The following ESCO1 variants were observed in gnomAD, a reference collection of about 807,000 sequenced individuals.
The protein encoded by ESCO1 is establishment of sister chromatid cohesion N-acetyltransferase 1, also known as N-acetyltransferase ESCO1.
ESCO1 carries 33 observed loss-of-function variants against 83.5 expected under a neutral mutation model. The observed-to-expected ratio is 0.40, with a 90% confidence interval of 0.30 to 0.53. The LOEUF is 0.53. Among genes scored for constraint, ESCO1 ranks in the 20% least tolerant of loss-of-function variants. ESCO1 has a pLI of 0.63. For synonymous variants in ESCO1, 332 were observed against 324.3 expected, an observed-to-expected ratio of 1.02 and a Z score of -0.25; for missense variants, 855 against 968.0, an observed-to-expected ratio of 0.88 and a Z score of 1.55.
intron 5 of ESCO1, 126 bp from the exon 6 acceptor site, chr18:21,566,332 A>T: frequency 1.2e-6 from 1 of 803,104 alleles, no homozygotes; most frequent in Non-Finnish European, 1.9e-6. Context: ...TTTAATAAAG[A>T]CCATCTGATA....
chr18:21,563,670 A>G (rs1598465043), intron 7 of ESCO1, among the ~76,000 whole-genome samples: 1 of 152,176 alleles, frequency 6.6e-6, no homozygotes, highest in East Asian at 1.9e-4. Flanking sequence ...TCATACTAAA[A>G]TTTATTATGA....
chr18:21,550,416 A>C (rs2038030820), intron 8 of ESCO1, among the ~76,000 whole-genome samples: 1 of 152,350 alleles, frequency 6.6e-6, no homozygotes, highest in Non-Finnish European at 1.5e-5. Context: ...AGACCCAATA[A>C]AAAGTCAAAT....
At position 21,568,671 on chromosome 18, in the gene ESCO1, G is replaced by C. The variant is rs555851894; in HGVS notation, c.1531-577C>G. 2.0e-5 allele frequency among the ~76,000 whole-genome samples: 3 copies of C among 152,210 alleles called. No homozygotes were observed. In the East Asian group the frequency reaches 5.8e-4, roughly 29 times the overall value. ...TAATCCCAGCACTTTGGGAGGCCGA[G>C]ACGGGCGGATCACTTGAGGTCAGGA... On this transcript the variant is annotated intron_variant, in intron 4 of 11. Coordinates refer to ENST00000269214, the MANE Select transcript of ESCO1 (RefSeq NM_052911.3).
chr18:21,533,388 T>C (rs925281571), intron 10 of ESCO1, among the ~76,000 whole-genome samples: 1 of 152,002 alleles, frequency 6.6e-6, no homozygotes, highest in African/African-American at 2.4e-5. Flanking sequence ...CTCTGCCTCC[T>C]GGGTTCAAGA....
chr18:21,590,114 A>G (rs372858451), intron 1 of ESCO1, among the ~76,000 whole-genome samples: 33 of 152,128 alleles, frequency 2.2e-4, no homozygotes, highest in East Asian at 9.7e-4. Flanking sequence ...GGCATGAGCC[A>G]CTGCGTCCGG....
chr18:21,560,838 G>A, intron 8 of ESCO1, 21 bp downstream of exon 8: 1 of 1,592,912 alleles, frequency 6.3e-7, no homozygotes, highest in East Asian at 2.2e-5. Flanking sequence ...TTGCATTTTA[G>A]AATTCACAAA....
chr18:21,585,621 C>A (rs1235561462), intron 1 of ESCO1, among the ~76,000 whole-genome samples: 1 of 152,058 alleles, frequency 6.6e-6, no homozygotes, highest in South Asian at 2.1e-4. Flanking sequence ...CAAAACTTTG[C>A]TACTCTTTTT....
In ESCO1 at chr18:21,560,879, T is replaced by C. The variant is rs751275990; in HGVS notation, c.1933A>G (p.Ile645Val). ...TQHLLFHNQF[I>V]SAVKYVGWKK... The stretch of plus-strand genomic sequence containing the variant: ...CTTACCACATATTTAACAGCACTTA[T>C]AAACTGGTTGTGGAAAAGCAGATGC... Residue 645 changes from isoleucine to valine, a missense_variant, in exon 8 of 12, where the codon ATA (isoleucine) becomes GTA (valine). By Grantham distance (29) the Ile-to-Val change is conservative (BLOSUM62 3). Transcript: ENST00000269214. The C allele has an allele frequency of 1.9e-6, 3 of 1,603,982 alleles. No individual in the cohort carries two copies. Among genetic ancestry groups the C allele is most frequent in the Admixed American group, 3.4e-5 (2 of 58,126 alleles).
chr18:21,590,404 T>C (rs1434068045), intron 1 of ESCO1, among the ~76,000 whole-genome samples: 1 of 150,448 alleles, frequency 6.6e-6, no homozygotes, highest in Non-Finnish European at 1.5e-5. Flanking sequence ...GTATTTTTAG[T>C]AGAGATGGGG....
chr18:21,557,199 CAA>C (rs1157018184), intron 8 of ESCO1, among the ~76,000 whole-genome samples: 1 of 152,064 alleles, frequency 6.6e-6, no homozygotes, highest in Non-Finnish European at 1.5e-5. Flanking sequence ...CGAGATTCTT[CAA>C]AACTTAAAAG....
chr18:21,574,139 G>T lies in ESCO1; in HGVS notation c.705C>A (p.Asp235Glu). 6.2e-7 allele frequency: 1 copy of T among 1,613,648 alleles called. No homozygotes were observed. Among genetic ancestry groups the T allele is most frequent in the South Asian group, 1.1e-5 (1 of 91,074 alleles). The change falls in exon 4 of 12, where the codon GAC becomes GAA. Residue 235 changes from aspartate (D) to glutamate (E), a missense_variant. Asp to Glu is a conservative substitution (Grantham distance 45). Coordinates refer to ENST00000269214, the MANE Select transcript of ESCO1 (RefSeq NM_052911.3). ...EKCPQKTTRR[D>E]ETKPVPVTSE... ...AAGTTACAGGCACAGGTTTCGTTTC[G>T]TCTCTTCTAGTAGTCTTCTGAGGAC...
chr18:21,559,613 G>A (rs906459788), intron 8 of ESCO1, among the ~76,000 whole-genome samples: 22 of 152,234 alleles, frequency 1.4e-4, no homozygotes, highest in African/African-American at 5.3e-4. Context: ...CTTCCTCTAC[G>A]AGGTTTGTAT....
intron 10 of ESCO1, 76 bp downstream of exon 10, chr18:21,535,966 G>T: frequency 1.3e-6 from 2 of 1,526,694 alleles, no homozygotes; most frequent in East Asian, 2.3e-5. Context: ...AAATTTATCA[G>T]GATTTATGTT....
chr18:21,580,335 A>G (rs1262448546), intron 2 of ESCO1, among the ~76,000 whole-genome samples: 2 of 152,204 alleles, frequency 1.3e-5, no homozygotes, highest in African/African-American at 2.4e-5. Context: ...CTGACTACAT[A>G]CAGATGATTA....
At chr18:21,559,465 AC>A (rs2038155391) in intron 8 of ESCO1, among the ~76,000 whole-genome samples, 4 of 152,208 alleles carry the variant, frequency 2.6e-5, no homozygotes, top group Admixed American at 2.0e-4. Context: ...TGATTTATTT[AC>A]TTTTCCTCTC....
At chr18:21,579,894 A>G (rs2038477177) in intron 2 of ESCO1, among the ~76,000 whole-genome samples, 1 of 149,466 alleles carries the variant, frequency 6.7e-6, no homozygotes, top group Non-Finnish European at 1.5e-5. Context: ...AAAATTATCT[A>G]TTTTTAATTT....
chr18:21,531,477 A>C (rs975618223), intron 11 of ESCO1, among the ~76,000 whole-genome samples: 20 of 152,098 alleles, frequency 1.3e-4, no homozygotes, highest in African/African-American at 3.9e-4. Flanking sequence ...GTAACAAAAG[A>C]AGCATTAAGA....
At chr18:21,561,107 C>A in intron 7 of ESCO1, 117 bp from the exon 8 acceptor site, 1 of 943,768 alleles carries the variant, frequency 1.1e-6, no homozygotes, top group Non-Finnish European at 1.4e-6. Flanking sequence ...ACATGAATAA[C>A]ATTCAATGTT....
intron 8 of ESCO1, among the ~76,000 whole-genome samples, chr18:21,541,510 T>C (rs2037906106): frequency 6.6e-6 from 1 of 150,644 alleles, no homozygotes; most frequent in South Asian, 2.1e-4. Context: ...GGAGAATTGC[T>C]TGAACTCGGG....
Sources: gnomAD v4.1 joint callset for allele counts (sites outside exome capture counted in the v4.1 genomes callset) on GRCh38, gnomAD v4.1.1 for gene constraint, MANE v1.5 for transcripts, NCBI Gene and HGNC (gene_info 2026-07-23, HGNC 2026-07-21) for gene names.